Variants in EML6 observed in about 807,000 individuals in gnomAD.
EML6 encodes echinoderm microtubule-associated protein-like 6.
In EML6, 154 loss-of-function variants were observed where a neutral mutation model predicts 240.1. That is an observed-to-expected ratio of 0.64 (90% CI 0.56 to 0.73). EML6 has a LOEUF of 0.73. Among genes scored for constraint, EML6 ranks in the 30% least tolerant of loss-of-function variants. The pLI is 0.00. For missense variants in EML6, 2,964 were observed against 2,474.6 expected, an observed-to-expected ratio of 1.20 and a Z score of -4.20; for synonymous variants, 1,148 against 899.0, an observed-to-expected ratio of 1.28 and a Z score of -4.95.
intron 2 of EML6, among the ~76,000 whole-genome samples, chr2:54,794,562 G>A (rs969684964): frequency 3.3e-5 from 5 of 151,982 alleles, no homozygotes; most frequent in African/African-American, 4.8e-5. Context: ...AAACTGGCTC[G>A]TCCTGATGCC....
At chr2:54,890,608 C>T (rs1012869324) in intron 17 of EML6, among the ~76,000 whole-genome samples, 2 of 152,118 alleles carry the variant, frequency 1.3e-5, no homozygotes, top group Admixed American at 1.3e-4. Flanking sequence ...CCCATTTAAC[C>T]CAGAGCAATG....
intron 2 of EML6, among the ~76,000 whole-genome samples, chr2:54,801,734 A>G (rs1234472484): frequency 6.6e-6 from 1 of 152,228 alleles, no homozygotes; most frequent in African/African-American, 2.4e-5. Flanking sequence ...TAAGAACCTA[A>G]TGCAATTTTT....
chr2:54,853,741 T>G lies in EML6; in HGVS notation c.1543T>G (p.Tyr515Asp). 6.4e-7 allele frequency: 1 copy of G among 1,551,638 alleles called. No homozygotes were observed. The highest frequency in any genetic ancestry group is 8.7e-7 in the Non-Finnish European group (1 of 1,146,926). Residue 515 changes from tyrosine (Y) to aspartate (D), a missense_variant, in exon 11 of 42, where the codon TAC (tyrosine) becomes GAC (aspartate). Transcript: ENST00000356458. ...TGAAGTGAGTGGAATTTGGCCCAAA[T>G]ACACTGAGGTTACTGACATCAACTC... ...GPEVSGIWPKYTEVTDINSVD... is the reference protein window; with the variant it reads ...GPEVSGIWPKDTEVTDINSVD...
chr2:54,949,736 C>G (rs1025043201), intron 29 of EML6, among the ~76,000 whole-genome samples: 1 of 152,174 alleles, frequency 6.6e-6, no homozygotes, highest in African/African-American at 2.4e-5. Flanking sequence ...AAAACCTTAC[C>G]CAGAGCCACC....
At position 54,827,734 on chromosome 2, in the gene EML6, A is replaced by G. The variant is rs1222324654; in HGVS notation, c.694A>G (p.Ile232Val). ...VWKGLNLVRT[I>V]QGAHSAGIFS... Reference sequence around the variant, plus strand: ...GAAAGGGCTCAATTTAGTCCGCACCATTCAAGGAGCACATAGTGTAAGTAT... The same window carrying G: ...GAAAGGGCTCAATTTAGTCCGCACCGTTCAAGGAGCACATAGTGTAAGTAT... The change falls in exon 6 of 42, where the codon ATT becomes GTT. Residue 232 changes from isoleucine (I) to valine (V), a missense_variant. Physicochemically the swap from Ile to Val is conservative, Grantham distance 29 (BLOSUM62 3). Transcript: ENST00000356458. The G allele has an allele frequency of 1.7e-5, 27 of 1,551,532 alleles. No individual in the cohort carries two copies. The highest frequency in any genetic ancestry group is 2.4e-5 in the Non-Finnish European group (27 of 1,146,802).
At position 54,810,255 on chromosome 2, in the gene EML6, A is replaced by T. The variant is rs139585567; in HGVS notation, c.198-2977A>T. Among the ~76,000 whole-genome samples the T allele has an allele frequency of 7.2e-5, 11 of 152,332 alleles. No individual in the cohort carries two copies. The East Asian group carries it at 2.1e-3, about 29-fold the overall frequency. Reference sequence around the variant, plus strand: ...ACTTTTTAGTAAATGTGGTAAATTTATGGGCTTCAATATGAATGAGAAGAA... The same window carrying T: ...ACTTTTTAGTAAATGTGGTAAATTTTTGGGCTTCAATATGAATGAGAAGAA... On this transcript the variant is annotated intron_variant, in intron 2 of 41. Transcript: ENST00000356458.
chr2:54,941,384 A>G (rs932943391), intron 28 of EML6, among the ~76,000 whole-genome samples: 2 of 152,166 alleles, frequency 1.3e-5, no homozygotes, highest in Non-Finnish European at 2.9e-5. Context: ...CATGATGAGC[A>G]TGGTGAAGTG....
chr2:54,869,112 C>G, intron 14 of EML6, 69 bp from the exon 15 acceptor site: 2 of 1,063,994 alleles, frequency 1.9e-6, no homozygotes, highest in Non-Finnish European at 2.7e-6. Context: ...AGCCTTGCCT[C>G]TGACACCTCC....
chr2:54,773,916 C>G (rs760412559), intron 2 of EML6, among the ~76,000 whole-genome samples: 1 of 152,168 alleles, frequency 6.6e-6, no homozygotes, highest in African/African-American at 2.4e-5. Flanking sequence ...TGCTACATAC[C>G]ATCAATTCGA....
chr2:54,899,618 T>A lies in EML6; in HGVS notation c.2983-23T>A, dbSNP rs1348260315. 3.2e-6 allele frequency: 5 copies of A among 1,550,524 alleles called. No individual in the cohort carries two copies. The African/African-American group carries it at 6.8e-5, about 21-fold the overall frequency. ...CCAAACAGCATAAGTAGAGTTTATGTTGCCCCTTTTCCTCTCCCACAGGGG... is the reference window on the plus strand; with the variant it reads ...CCAAACAGCATAAGTAGAGTTTATGATGCCCCTTTTCCTCTCCCACAGGGG... On this transcript the variant is annotated intron_variant, in intron 21 of 41. Coordinates refer to ENST00000356458, the MANE Select transcript of EML6 (RefSeq NM_001039753.4).
intron 31 of EML6, among the ~76,000 whole-genome samples, chr2:54,953,041 T>C (rs1181086885): frequency 6.6e-6 from 1 of 152,186 alleles, no homozygotes; most frequent in African/African-American, 2.4e-5. Context: ...TAAGTGTGCC[T>C]GGACCCCCTG....
rs1322947067 is a variant in EML6 at position 54,869,308 on chromosome 2, G to A, written c.2179G>A (p.Asp727Asn). The change falls in exon 15 of 42, where the codon GAT becomes AAT. Residue 727 changes from aspartate to asparagine, a missense_variant. Transcript: ENST00000356458. ...CTCCCAGAGGCTGTACCTGGGGCAC[G>A]ATGACGACATTCTCAGCCTGACCAT... ...QHSQRLYLGH[D>N]DDILSLTIHP... 14 of 1,551,546 alleles carry A rather than the reference G, an allele frequency of 9.0e-6. No homozygotes were observed. In the East Asian group the frequency reaches 2.9e-4, roughly 32 times the overall value.
At chr2:54,894,867 T>G (rs895594571) in intron 19 of EML6, 48 bp from the exon 20 acceptor site, 1 of 1,319,654 alleles carries the variant, frequency 7.6e-7, no homozygotes, top group Non-Finnish European at 1.1e-6. Flanking sequence ...AAGTGGGTAA[T>G]TGGTCATTTT....
intron 26 of EML6, among the ~76,000 whole-genome samples, chr2:54,926,504 G>A (rs1258957586): frequency 2.0e-5 from 3 of 152,230 alleles, no homozygotes; most frequent in African/African-American, 7.2e-5. Flanking sequence ...GTGCAGTTTG[G>A]CTTGAAGACC....
intron 17 of EML6, among the ~76,000 whole-genome samples, chr2:54,889,322 C>T (rs1007322520): frequency 6.6e-6 from 1 of 151,866 alleles, no homozygotes; most frequent in Non-Finnish European, 1.5e-5. Context: ...TGTCTAACTC[C>T]AGATTAAACA....
At chr2:54,942,989 A>G (rs1321464947) in intron 28 of EML6, among the ~76,000 whole-genome samples, 1 of 151,914 alleles carries the variant, frequency 6.6e-6, no homozygotes, top group African/African-American at 2.4e-5. Context: ...CTCTTCTTAT[A>G]GGAAGTCCCA....
Position 54,863,838 on chromosome 2 carries a change from C to T in EML6, c.1881C>T (p.Pro627=), listed in dbSNP as rs377196963. ...CTGATTCAGATTTATCTGATGTGCC[C>T]GAACTGGACTCTGATATTGAGCAAG... ...EESDSDLSDV[P]ELDSDIEQEA... Residue 627 remains proline (P), a synonymous_variant, in exon 13 of 42, where the codon CCC becomes CCT. Coordinates refer to ENST00000356458, the MANE Select transcript of EML6 (RefSeq NM_001039753.4). The T allele has an allele frequency of 2.2e-5, 34 of 1,548,904 alleles. No homozygotes were observed. The Admixed American group carries it at 4.9e-4, about 23-fold the overall frequency.
chr2:54,751,562 G>T (rs370695597), intron 2 of EML6, among the ~76,000 whole-genome samples: 1 of 152,134 alleles, frequency 6.6e-6, no homozygotes, highest in Non-Finnish European at 1.5e-5. Context: ...CAAATGCTCC[G>T]CAGCACACAG....
At chr2:54,939,746 T>C (rs1675330496) in intron 28 of EML6, among the ~76,000 whole-genome samples, 1 of 152,190 alleles carries the variant, frequency 6.6e-6, no homozygotes, top group South Asian at 2.1e-4. Context: ...GAGATGGTTG[T>C]CCTGGTTTAA....
Sources: gnomAD v4.1 joint callset for allele counts (sites outside exome capture counted in the v4.1 genomes callset) on GRCh38, gnomAD v4.1.1 for gene constraint, MANE v1.5 for transcripts, NCBI Gene and HGNC (gene_info 2026-07-23, HGNC 2026-07-21) for gene names.